The following CFAP46 variants were observed in gnomAD, a reference collection of about 807,000 sequenced individuals.
CFAP46 encodes the protein cilia- and flagella-associated protein 46.
In CFAP46, 245 loss-of-function variants were observed where a neutral mutation model predicts 325.7. The ratio of observed to expected loss-of-function variants is 0.75; its 90% CI spans 0.68 to 0.84. The LOEUF (loss-of-function observed/expected upper bound fraction) is 0.84, where lower values mean the gene tolerates loss of function less well. CFAP46 is among the 40% of genes least tolerant of loss of function. The pLI is 0.00. For synonymous variants in CFAP46, 1,523 were observed against 1,495.9 expected (o/e 1.02, Z -0.42); for missense variants, 3,346 against 3,543.0 (o/e 0.94, Z 1.41).
At chr10:132,858,828 G>A (rs1254256548) in intron 38 of CFAP46, among the ~76,000 whole-genome samples, 3 of 152,152 alleles carry the variant, frequency 2.0e-5, no homozygotes, top group East Asian at 1.9e-4. Context: ...GTGGGCAGCC[G>A]CAGGGCTGGG....
At chr10:132,873,905 C>T (rs1283534388) in intron 31 of CFAP46, among the ~76,000 whole-genome samples, 1 of 152,124 alleles carries the variant, frequency 6.6e-6, no homozygotes, top group African/African-American at 2.4e-5. Context: ...ATAAAAACAT[C>T]CCAGAAAAAC....
chr10:132,913,047 C>T lies in CFAP46; in HGVS notation c.2332G>A (p.Gly778Arg). Reference sequence around the variant, plus strand: ...GAACGCAGCACAGCCCACACGCACCCACTGTGGCCTGTGGCCTTAACGATG... The same window carrying T: ...GAACGCAGCACAGCCCACACGCACCTACTGTGGCCTGTGGCCTTAACGATG... Reference protein sequence around the residue: ...LSIVKATGHSGDPVMLVTLCN... With the variant: ...LSIVKATGHSRDPVMLVTLCN... Residue 778 changes from glycine (G) to arginine (R), a missense_variant and splice_region_variant, in exon 18 of 58, where the codon GGG becomes AGG. Coordinates refer to ENST00000368586, the MANE Select transcript of CFAP46 (RefSeq NM_001200049.3). The T allele has an allele frequency of 6.5e-7, 1 of 1,549,636 alleles. No homozygotes were observed. Among genetic ancestry groups the T allele is most frequent in the Non-Finnish European group, 8.7e-7 (1 of 1,146,788 alleles).
At chr10:132,882,564 G>T (rs1019708063) in intron 27 of CFAP46, among the ~76,000 whole-genome samples, 1 of 151,966 alleles carries the variant, frequency 6.6e-6, no homozygotes, top group East Asian at 1.9e-4. Context: ...GCCCCAGGGC[G>T]GGGCCAGGCA....
chr10:132,864,142 C>T (rs1422667968), intron 35 of CFAP46, among the ~76,000 whole-genome samples: 1 of 145,886 alleles, frequency 6.9e-6, no homozygotes, highest in Non-Finnish European at 1.5e-5. Flanking sequence ...ACACCTGTCC[C>T]CCTGCCTGAG....
rs1849232304 is a variant in CFAP46 at position 132,889,990 on chromosome 10, A to T, written c.3304+2343T>A. Among the ~76,000 whole-genome samples the T allele has an allele frequency of 6.6e-6, 1 of 152,246 alleles. No homozygotes were observed. Among genetic ancestry groups the T allele is most frequent in the African/African-American group, 2.4e-5 (1 of 41,468 alleles). On this transcript the variant is annotated intron_variant, in intron 25 of 57. Transcript: ENST00000368586. This position sits in a 1 kb window ranked among gnomAD's most constrained non-coding sequence, Gnocchi z 6.0. ...AGCGTACATTTTCGTATCTGTGAAAAGTGCTCCTTTCCACAAAATCTCTGC... is the reference window on the plus strand; with the variant it reads ...AGCGTACATTTTCGTATCTGTGAAATGTGCTCCTTTCCACAAAATCTCTGC...
rs2135744876 is a variant in CFAP46, at chr10:132,939,354, C to T, written c.372-601G>A. Among the ~76,000 whole-genome samples the T allele has an allele frequency of 6.6e-6, 1 of 152,132 alleles. No homozygotes were observed. On this transcript the variant is annotated intron_variant, in intron 4 of 57. Transcript: ENST00000368586. The surrounding 1 kb of genome is among the most constrained non-coding windows in gnomAD (Gnocchi z 4.6). ...GTGGGCTGGAAGAGTGAGCAGAGAC[C>T]CCTCTCAGGGGTCTGGGCCTCTCCC...
intron 44 of CFAP46, among the ~76,000 whole-genome samples, chr10:132,837,232 C>G (rs921138284): frequency 3.3e-5 from 5 of 152,260 alleles, no homozygotes; most frequent in Non-Finnish European, 7.3e-5. Context: ...GGAAAATTCT[C>G]CAGCGCCGCC....
chr10:132,836,098 C>G, intron 46 of CFAP46, 44 bp downstream of exon 46: 1 of 1,536,536 alleles, frequency 6.5e-7, no homozygotes, highest in Non-Finnish European at 8.8e-7. Flanking sequence ...GCCCATGCTC[C>G]GCCTGCCCTG....
In CFAP46 at chr10:132,847,652, GT is replaced by G. The variant is rs796947148; in HGVS notation, c.5953-332del. On this transcript the variant is annotated intron_variant, in intron 41 of 57. Transcript: ENST00000368586. The surrounding 1 kb of genome is among the most constrained non-coding windows in gnomAD (Gnocchi z 5.2). ...ACATTCCCAGGGGGCTCTCGTTCCT[GT>G]CCTTTGGAAACACCTCTCCCGGAAC... Among the ~76,000 whole-genome samples the G allele has an allele frequency of 3.4e-4, 51 of 152,156 alleles. No homozygotes were observed. Among genetic ancestry groups the G allele is most frequent in the African/African-American group, 1.2e-3 (48 of 41,522 alleles).
chr10:132,829,981 A>AT (rs74258812), intron 50 of CFAP46, among the ~76,000 whole-genome samples: 2,766 of 142,886 alleles, frequency 0.019, 42 homozygotes, highest in South Asian at 0.11. Context: ...ATATTGGTCC[A>AT]TTTTTTTTTT....
At chr10:132,913,339 T>C (rs2135555163) in intron 17 of CFAP46, 81 bp from the exon 18 acceptor site, 10 of 982,142 alleles carry the variant, frequency 1.0e-5, no homozygotes, top group Non-Finnish European at 1.4e-5. Context: ...CGGGGCCTGT[T>C]AGGAACCAGG....
At chr10:132,823,846 TGA>T in intron 50 of CFAP46, among the ~76,000 whole-genome samples, 1 of 143,824 alleles carries the variant, frequency 7.0e-6, no homozygotes, top group Non-Finnish European at 1.5e-5. Flanking sequence ...GTATGTTGTG[TGA>T]GTGCTGATGT....
At chr10:132,890,418 A>G (rs759618107) in intron 25 of CFAP46, among the ~76,000 whole-genome samples, 6 of 152,210 alleles carry the variant, frequency 3.9e-5, no homozygotes, top group Non-Finnish European at 7.3e-5. Context: ...CCTTGCTGCT[A>G]AAAGTCACTT....
intron 41 of CFAP46, among the ~76,000 whole-genome samples, chr10:132,849,897 G>A (rs117336360): frequency 0.06 from 9,154 of 152,256 alleles, 366 homozygotes; most frequent in Non-Finnish European, 0.085. Context: ...GGCCAGAGCC[G>A]CTGCTGCGGG....
intron 53 of CFAP46, 22 bp downstream of exon 53, chr10:132,814,555 G>T: frequency 6.4e-7 from 1 of 1,554,498 alleles, no homozygotes; most frequent in Non-Finnish European, 8.7e-7. Flanking sequence ...TGCCTGAACA[G>T]GGAGCCCTGT....
intron 57 of CFAP46, among the ~76,000 whole-genome samples, chr10:132,809,269 T>C (rs1257239451): frequency 2.6e-5 from 4 of 152,178 alleles, no homozygotes; most frequent in African/African-American, 9.7e-5. Context: ...GTCACTGGGC[T>C]CATGCCTCCA....
chr10:132,815,267 G>A (rs930061817), intron 50 of CFAP46, among the ~76,000 whole-genome samples: 48 of 152,142 alleles, frequency 3.2e-4, no homozygotes, highest in Admixed American at 2.7e-3. Context: ...TGCCCCTTTC[G>A]ACACGAACAC....
At chr10:132,941,905 C>T (rs1850109215) in intron 2 of CFAP46, 75 bp downstream of exon 2, 1 of 1,533,112 alleles carries the variant, frequency 6.5e-7, no homozygotes, top group South Asian at 1.2e-5. Context: ...CCCCACTCTG[C>T]ATCCGCTGCA....
intron 35 of CFAP46, among the ~76,000 whole-genome samples, chr10:132,865,318 G>A (rs1264696463): frequency 5.3e-5 from 8 of 152,306 alleles, no homozygotes; most frequent in Admixed American, 1.3e-4. Flanking sequence ...GAGTGCAGGC[G>A]CCCAGGGTGA....
Sources: gnomAD v4.1 joint callset for allele counts (sites outside exome capture counted in the v4.1 genomes callset) on GRCh38, gnomAD v4.1.1 for gene constraint, Gnocchi (gnomAD v3.1) non-coding constraint, MANE v1.5 for transcripts, NCBI Gene and HGNC (gene_info 2026-07-23, HGNC 2026-07-21) for gene names.